Variants in PHF20 observed in about 807,000 individuals in gnomAD.
PHF20 encodes glioma-expressed antigen 2.
PHF20 carries 23 observed loss-of-function variants against 113.5 expected under a neutral mutation model. The observed-to-expected ratio is 0.20, with a 90% CI of 0.15 to 0.29. The LOEUF is 0.29. Ranked by LOEUF, PHF20 falls within the 10% of genes least tolerant of loss-of-function variation. PHF20 has a pLI of 1.00. For synonymous variants in PHF20, 434 were observed against 457.3 expected, an observed-to-expected ratio of 0.95 and a Z score of 0.65; for missense variants, 943 against 1,219.6, an observed-to-expected ratio of 0.77 and a Z score of 3.38.
At chr20:35,900,495 C>T (rs2055073673) in intron 10 of PHF20, among the ~76,000 whole-genome samples, 1 of 152,114 alleles carries the variant, frequency 6.6e-6, no homozygotes, top group African/African-American at 2.4e-5. Context: ...GGTCAACCTT[C>T]ATTTATGCTG....
intron 13 of PHF20, among the ~76,000 whole-genome samples, chr20:35,918,204 C>T (rs944528822): frequency 6.6e-6 from 1 of 152,122 alleles, no homozygotes; most frequent in Non-Finnish European, 1.5e-5. Flanking sequence ...CACCTGCCTG[C>T]CCTGTCCCTT....
intron 4 of PHF20, chr20:35,850,585 G>GTTTTTTTTT (rs58771222): frequency 2.7e-5 from 1 of 37,618 alleles, no homozygotes; most frequent in African/African-American, 2.1e-4. Context: ...ATTATGAGCT[G>GTTTTTTTTT]TTTTTTTTTT....
At chr20:35,838,804 A>T (rs2042487977) in intron 2 of PHF20, among the ~76,000 whole-genome samples, 1 of 149,558 alleles carries the variant, frequency 6.7e-6, no homozygotes, top group South Asian at 2.1e-4. Flanking sequence ...CCTGGGCAAC[A>T]TAGTGAGACT....
At chr20:35,946,681 ATTTATTTTAT>A (rs143340219) in intron 17 of PHF20, among the ~76,000 whole-genome samples, 4 of 144,438 alleles carry the variant, frequency 2.8e-5, no homozygotes, top group Middle Eastern at 3.5e-3. Flanking sequence ...ATTTTATTTT[ATTTATTTTAT>A]TTTATTTTAT....
At chr20:35,818,178 G>A (rs1337292405) in intron 2 of PHF20, among the ~76,000 whole-genome samples, 4 of 152,076 alleles carry the variant, frequency 2.6e-5, no homozygotes. Flanking sequence ...AGGAGGCTGA[G>A]GTGGGAGGCT....
At chr20:35,944,719 C>T (rs1481744559) in intron 17 of PHF20, among the ~76,000 whole-genome samples, 1 of 152,118 alleles carries the variant, frequency 6.6e-6, no homozygotes, top group Admixed American at 6.6e-5. Context: ...AGATGCCTGC[C>T]ACCACACCTG....
chr20:35,862,993 C>T lies in PHF20; in HGVS notation c.421-20C>T, dbSNP rs750019530. 9 of 1,536,316 alleles carry T rather than the reference C, an allele frequency of 5.9e-6. No homozygotes were observed. Among genetic ancestry groups the T allele is most frequent in the African/African-American group, 4.2e-5 (3 of 71,740 alleles). Reference sequence around the variant, plus strand: ...TGCAAGTAATCACGAAGTGTTTCATCGCTATTTTGCTCATTTTAGAATATT... The same window carrying T: ...TGCAAGTAATCACGAAGTGTTTCATTGCTATTTTGCTCATTTTAGAATATT... On this transcript the variant is annotated intron_variant, in intron 5 of 17. Coordinates refer to ENST00000374012, the MANE Select transcript of PHF20 (RefSeq NM_016436.5).
At chr20:35,889,481 C>T (rs1235553487) in intron 9 of PHF20, among the ~76,000 whole-genome samples, 2 of 151,960 alleles carry the variant, frequency 1.3e-5, no homozygotes, top group Non-Finnish European at 2.9e-5. Context: ...TGTGCCTCAG[C>T]CTCCCGAGTA....
intron 3 of PHF20, chr20:35,845,544 T>C (rs2042608946): frequency 6.1e-6 from 1 of 165,112 alleles, no homozygotes; most frequent in Non-Finnish European, 1.4e-5. Flanking sequence ...TAAAAAATTT[T>C]TTTTGTAGAG....
At chr20:35,825,727 C>T (rs1217316180) in intron 2 of PHF20, among the ~76,000 whole-genome samples, 1 of 148,736 alleles carries the variant, frequency 6.7e-6, no homozygotes, top group Non-Finnish European at 1.5e-5. Context: ...CCATGAAATA[C>T]ACTACAGCCT....
intron 2 of PHF20, among the ~76,000 whole-genome samples, chr20:35,823,821 A>G (rs2146906662): frequency 6.6e-6 from 1 of 152,278 alleles, no homozygotes; most frequent in South Asian, 2.1e-4. Flanking sequence ...TAATGGAATT[A>G]TTCAGTACAT....
chr20:35,892,324 C>T (rs1600889635), intron 9 of PHF20, among the ~76,000 whole-genome samples: 1 of 150,502 alleles, frequency 6.6e-6, no homozygotes, highest in East Asian at 2.0e-4. Flanking sequence ...ATCTGCCCAC[C>T]TTGGCCTCCC....
At chr20:35,862,129 G>A (rs983466078) in intron 5 of PHF20, among the ~76,000 whole-genome samples, 1 of 152,174 alleles carries the variant, frequency 6.6e-6, no homozygotes, top group Non-Finnish European at 1.5e-5. Flanking sequence ...ACTAAGAAGC[G>A]GTATTTCCTA....
intron 9 of PHF20, among the ~76,000 whole-genome samples, chr20:35,874,979 A>G (rs1448086018): frequency 1.3e-5 from 2 of 152,112 alleles, no homozygotes; most frequent in African/African-American, 4.8e-5. Context: ...TCATGCCTAT[A>G]GTCCCAGCTA....
At chr20:35,931,136 T>G in intron 14 of PHF20, 113 bp from the exon 15 acceptor site, 1 of 712,900 alleles carries the variant, frequency 1.4e-6, no homozygotes, top group Non-Finnish European at 2.3e-6. Flanking sequence ...ATGAACAAAA[T>G]GAGTATACTA....
chr20:35,866,457 T>C (rs927530071), intron 6 of PHF20, among the ~76,000 whole-genome samples: 1 of 152,038 alleles, frequency 6.6e-6, no homozygotes, highest in Admixed American at 6.6e-5. Context: ...GGAACCCCAG[T>C]TGAGAAAATC....
At chr20:35,802,002 C>G (rs2041789634) in intron 2 of PHF20, 1 of 158,884 alleles carries the variant, frequency 6.3e-6, no homozygotes, top group African/African-American at 2.4e-5. Context: ...ACACCCCATC[C>G]TATTTTCTGG....
chr20:35,888,745 C>T (rs1451626564), intron 9 of PHF20, among the ~76,000 whole-genome samples: 1 of 151,410 alleles, frequency 6.6e-6, no homozygotes, highest in Non-Finnish European at 1.5e-5. Context: ...CATAGGGAGA[C>T]CCTCATCTCT....
At chr20:35,820,703 C>G (rs183449782) in intron 2 of PHF20, among the ~76,000 whole-genome samples, 9 of 152,160 alleles carry the variant, frequency 5.9e-5, no homozygotes, top group African/African-American at 2.2e-4. Context: ...CCTGCCTCAG[C>G]CTCCCAAAGT....
Sources: allele counts gnomAD v4.1 joint callset (sites outside exome capture counted in the v4.1 genomes callset), GRCh38; gene constraint gnomAD v4.1.1; transcripts MANE v1.5; gene names NCBI Gene and HGNC (gene_info 2026-07-23, HGNC 2026-07-21).